WWOX: variants seen among roughly 807,000 people sequenced by gnomAD.
WWOX encodes the protein WW domain containing oxidoreductase.
Under a neutral mutation model 46.2 loss-of-function variants are expected in WWOX, and 69 were observed. The ratio of observed to expected loss-of-function variants is 1.49; its 90% CI spans 1.23 to 1.82. The LOEUF is 1.82. Among genes scored for constraint, WWOX ranks in the 40% most tolerant of loss-of-function variants. The probability of loss-of-function intolerance (pLI) is 0.00; values close to 1 mark genes in which losing one functional copy is unlikely to be tolerated. For synonymous variants in WWOX, 359 were observed against 202.6 expected (o/e 1.77, Z -6.56); for missense variants, 919 against 542.6 (o/e 1.69, Z -6.89).
At chr16:79,014,497 TC>T (rs2047373931) in intron 8 of WWOX, among the ~76,000 whole-genome samples, 1 of 152,192 alleles carries the variant, frequency 6.6e-6, no homozygotes, top group African/African-American at 2.4e-5. Context: ...TTCAGGGAAA[TC>T]CAGCCGTTGC....
chr16:79,149,595 C>T (rs1462207521), intron 8 of WWOX, among the ~76,000 whole-genome samples: 1 of 152,196 alleles, frequency 6.6e-6, no homozygotes, highest in Admixed American at 6.5e-5. Flanking sequence ...TCCCCATCAG[C>T]CACCAGGGAG....
At chr16:78,575,885 A>T (rs1209124748) in intron 8 of WWOX, among the ~76,000 whole-genome samples, 1 of 151,560 alleles carries the variant, frequency 6.6e-6, no homozygotes, top group Non-Finnish European at 1.5e-5. Context: ...AATTTTCGTA[A>T]GGTTACATCT....
In WWOX at chr16:78,333,043, C is replaced by CTTTTTTTTTTTTTTTTTTTTTTT. The variant is rs11289222; in HGVS notation, c.517-53815_517-53793dup. ...CTGAGTAGCATGGAAGAGCATTATA[C>CTTTTTTTTTTTTTTTTTTTTTTT]TTTTTTTTTTTTTTTTTTTTTTTTG... is the stretch of plus-strand genomic sequence containing the variant. On this transcript the variant is annotated intron_variant, in intron 5 of 8. Coordinates refer to ENST00000566780, the MANE Select transcript of WWOX (RefSeq NM_016373.4). Among the ~76,000 whole-genome samples the CTTTTTTTTTTTTTTTTTTTTTTT allele has an allele frequency of 2.2e-3, 124 of 57,122 alleles. 32 individuals carry two copies. The highest frequency in any genetic ancestry group is 0.017 in the Middle Eastern group (1 of 58). The allele number at this position is 57,122 out of a possible 152,430, so 37.5% of individuals were successfully genotyped here.
chr16:78,353,437 G>T (rs1270889259), intron 5 of WWOX, among the ~76,000 whole-genome samples: 1 of 152,118 alleles, frequency 6.6e-6, no homozygotes, highest in East Asian at 1.9e-4. Flanking sequence ...CAAATCTATC[G>T]ATTAATAGAA....
At chr16:78,279,818 C>A (rs1222149734) in intron 5 of WWOX, among the ~76,000 whole-genome samples, 1 of 152,232 alleles carries the variant, frequency 6.6e-6, no homozygotes, top group Non-Finnish European at 1.5e-5. Flanking sequence ...TCCTGCCCAA[C>A]CTGAGATGAA....
intron 8 of WWOX, among the ~76,000 whole-genome samples, chr16:78,870,173 C>T (rs1212791034): frequency 1.3e-5 from 2 of 152,202 alleles, no homozygotes; most frequent in African/African-American, 4.8e-5. Context: ...CGTCTCCTAA[C>T]CCTAAGATCC....
At chr16:79,132,643 A>C (rs2049904041) in intron 8 of WWOX, among the ~76,000 whole-genome samples, 1 of 152,154 alleles carries the variant, frequency 6.6e-6, no homozygotes, top group Non-Finnish European at 1.5e-5. Context: ...TTAAAACAAG[A>C]ATAAATCCCT....
At chr16:78,172,097 G>C (rs1416903815) in intron 5 of WWOX, among the ~76,000 whole-genome samples, 1 of 152,184 alleles carries the variant, frequency 6.6e-6, no homozygotes, top group African/African-American at 2.4e-5. Flanking sequence ...CAGCTGGTGT[G>C]TGGGTGATGC....
intron 8 of WWOX, among the ~76,000 whole-genome samples, chr16:78,453,215 G>C (rs1306689192): frequency 6.6e-6 from 1 of 152,066 alleles, no homozygotes; most frequent in Admixed American, 6.5e-5. Flanking sequence ...CCTAAGGTCA[G>C]GAGTTTGATA....
At chr16:79,120,416 A>C (rs1017674677) in intron 8 of WWOX, among the ~76,000 whole-genome samples, 10 of 152,116 alleles carry the variant, frequency 6.6e-5, no homozygotes, top group Admixed American at 1.3e-4. Context: ...CTGCACTTCC[A>C]CAGTACCCGA....
At chr16:78,611,287 C>G (rs1322301515) in intron 8 of WWOX, among the ~76,000 whole-genome samples, 1 of 152,150 alleles carries the variant, frequency 6.6e-6, no homozygotes, top group African/African-American at 2.4e-5. Context: ...ATGACATCAA[C>G]CTAGCCTTTT....
intron 5 of WWOX, among the ~76,000 whole-genome samples, chr16:78,244,422 G>A (rs556967005): frequency 2.6e-5 from 4 of 152,268 alleles, no homozygotes; most frequent in African/African-American, 9.6e-5. Context: ...GACTGTGAGA[G>A]GCTTGGCAAA....
chr16:78,989,005 G>T (rs536424682), intron 8 of WWOX, among the ~76,000 whole-genome samples: 84 of 152,300 alleles, frequency 5.5e-4, no homozygotes, highest in African/African-American at 1.8e-3. Context: ...TGAGTTCTCT[G>T]TTAAAACAAG....
intron 4 of WWOX, among the ~76,000 whole-genome samples, chr16:78,148,897 C>CAAAAAAAAAAA (rs34225165): frequency 1.9e-5 from 1 of 53,228 alleles, no homozygotes; most frequent in African/African-American, 7.9e-5. Flanking sequence ...GACTCCGTCT[C>CAAAAAAAAAAA]AAAAAAAAAA....
At chr16:78,111,609 C>T (rs1369375363) in intron 3 of WWOX, among the ~76,000 whole-genome samples, 1 of 152,140 alleles carries the variant, frequency 6.6e-6, no homozygotes, top group East Asian at 1.9e-4. Context: ...CACTCTGCTC[C>T]ACCAGCTTCT....
chr16:78,852,586 C>G (rs1034020469), intron 8 of WWOX, among the ~76,000 whole-genome samples: 4 of 152,136 alleles, frequency 2.6e-5, no homozygotes, highest in South Asian at 4.1e-4. Flanking sequence ...ACACCCAAGT[C>G]AAATCAGCTA....
chr16:78,109,097 A>G (rs895386905), intron 2 of WWOX, among the ~76,000 whole-genome samples: 1 of 152,228 alleles, frequency 6.6e-6, no homozygotes, highest in Non-Finnish European at 1.5e-5. Context: ...GTTCTTGGCT[A>G]TACTATGGAA....
intron 8 of WWOX, among the ~76,000 whole-genome samples, chr16:78,586,593 T>G (rs2045214920): frequency 6.6e-6 from 1 of 152,214 alleles, no homozygotes; most frequent in Non-Finnish European, 1.5e-5. Flanking sequence ...TGACTCAGAT[T>G]AAGAAACTTG....
chr16:79,104,528 A>G (rs74034970), intron 8 of WWOX, among the ~76,000 whole-genome samples: 4,364 of 152,322 alleles, frequency 0.029, 236 homozygotes, highest in African/African-American at 0.1. Context: ...TCCGAGAAAT[A>G]TTAGTTGACA....
Sources: gnomAD v4.1 joint callset for allele counts (sites outside exome capture counted in the v4.1 genomes callset) on GRCh38, gnomAD v4.1.1 for gene constraint, MANE v1.5 for transcripts, NCBI Gene and HGNC (gene_info 2026-07-23, HGNC 2026-07-21) for gene names.